CFDP1: variants seen among roughly 807,000 people sequenced by gnomAD.
CFDP1 encodes heterochromatin-stabilizing protein CFDP1.
CFDP1 carries 31 observed loss-of-function variants against 40.1 expected under a neutral mutation model. The ratio of observed to expected loss-of-function variants is 0.77; its 90% confidence interval spans 0.58 to 1.04. The LOEUF (loss-of-function observed/expected upper bound fraction) is 1.04, where lower values mean the gene tolerates loss of function less well. Ranked by LOEUF, CFDP1 falls within the 50% of genes least tolerant of loss-of-function variation. The pLI, the probability that CFDP1 is intolerant of heterozygous loss-of-function variation, is 0.00. For synonymous variants in CFDP1, 167 were observed against 120.0 expected (o/e 1.39, Z -2.56); for missense variants, 423 against 343.4 (o/e 1.23, Z -1.83).
intron 6 of CFDP1, among the ~76,000 whole-genome samples, chr16:75,294,865 G>A (rs984660794): frequency 2.0e-5 from 3 of 152,124 alleles, no homozygotes; most frequent in Non-Finnish European, 4.4e-5. Flanking sequence ...CAGGCAGGAC[G>A]GGAAAGCAGC....
At chr16:75,362,909 T>G (rs1204983911) in intron 5 of CFDP1, 1 of 152,146 alleles carries the variant, frequency 6.6e-6, no homozygotes, top group Non-Finnish European at 1.5e-5. Context: ...AGCTGAGGTT[T>G]TGTTATTATG....
intron 6 of CFDP1, among the ~76,000 whole-genome samples, chr16:75,297,721 A>G (rs1233612426): frequency 1.3e-5 from 2 of 152,198 alleles, no homozygotes; most frequent in Non-Finnish European, 2.9e-5. Flanking sequence ...TTAATAAAAT[A>G]TGCTAAGAAC....
chr16:75,366,588 A>ACT (rs2078715679), intron 5 of CFDP1, among the ~76,000 whole-genome samples: 1 of 152,118 alleles, frequency 6.6e-6, no homozygotes, highest in Non-Finnish European at 1.5e-5. Context: ...GTGCCACTGT[A>ACT]CTCTAACCTG....
intron 5 of CFDP1, among the ~76,000 whole-genome samples, chr16:75,318,491 C>T (rs1018462085): frequency 3.3e-5 from 5 of 151,448 alleles, no homozygotes; most frequent in African/African-American, 1.2e-4. Flanking sequence ...CTGCAACCTC[C>T]GCCTCCTGGG....
chr16:75,323,716 T>C (rs907065272), intron 5 of CFDP1, among the ~76,000 whole-genome samples: 1 of 151,644 alleles, frequency 6.6e-6, no homozygotes, highest in East Asian at 1.9e-4. Flanking sequence ...GAGGTAGAGG[T>C]TGCAGTGAGC....
chr16:75,389,553 G>C (rs1219447161), intron 5 of CFDP1, among the ~76,000 whole-genome samples: 1 of 152,162 alleles, frequency 6.6e-6, no homozygotes, highest in Non-Finnish European at 1.5e-5. Flanking sequence ...GGGACAGGAT[G>C]TTTTACTCTC....
chr16:75,324,061 T>C (rs2078385833), intron 5 of CFDP1, among the ~76,000 whole-genome samples: 1 of 152,206 alleles, frequency 6.6e-6, no homozygotes, highest in African/African-American at 2.4e-5. Context: ...GCCTTCAGTG[T>C]GCCAGACTCT....
chr16:75,399,056 C>CAAAAAAAAAAAAAAAAAAAA (rs58692180), intron 4 of CFDP1, among the ~76,000 whole-genome samples: 1 of 98,064 alleles, frequency 1.0e-5, no homozygotes, highest in Non-Finnish European at 2.1e-5. Context: ...GACTCCGTCT[C>CAAAAAAAAAAAAAAAAAAAA]AAAAAAAAAA....
intron 5 of CFDP1, among the ~76,000 whole-genome samples, chr16:75,327,672 A>G (rs549132592): frequency 2.0e-5 from 3 of 152,312 alleles, no homozygotes; most frequent in African/African-American, 7.2e-5. Context: ...AAAATAGTCC[A>G]TGCCATGGCT....
At chr16:75,407,646 C>G (rs1323730205) in intron 4 of CFDP1, among the ~76,000 whole-genome samples, 1 of 126,118 alleles carries the variant, frequency 7.9e-6, no homozygotes, top group African/African-American at 3.0e-5. Context: ...CAGAGCAAGA[C>G]CCTGTCTCAA....
chr16:75,313,591 A>T (rs2078307940), intron 5 of CFDP1, among the ~76,000 whole-genome samples: 1 of 152,318 alleles, frequency 6.6e-6, no homozygotes, highest in Non-Finnish European at 1.5e-5. Context: ...TGGGTCTCCC[A>T]TAGTGCTGGG....
chr16:75,360,697 A>G (rs1238144509), intron 5 of CFDP1, among the ~76,000 whole-genome samples: 1 of 152,208 alleles, frequency 6.6e-6, no homozygotes, highest in Non-Finnish European at 1.5e-5. Context: ...AACCACACAG[A>G]ATAAGTCTTA....
intron 5 of CFDP1, among the ~76,000 whole-genome samples, chr16:75,389,561 C>T (rs1295781621): frequency 6.6e-6 from 1 of 152,162 alleles, no homozygotes; most frequent in South Asian, 2.1e-4. Flanking sequence ...ATGTTTTACT[C>T]TCCTGCTCTG....
intron 6 of CFDP1, among the ~76,000 whole-genome samples, chr16:75,295,799 G>C (rs907107947): frequency 6.6e-6 from 1 of 152,236 alleles, no homozygotes; most frequent in Non-Finnish European, 1.5e-5. Flanking sequence ...AGTCAGGGAA[G>C]CTGCAGACAG....
intron 5 of CFDP1, among the ~76,000 whole-genome samples, chr16:75,316,613 A>C (rs939217601): frequency 6.6e-6 from 1 of 151,874 alleles, no homozygotes; most frequent in Non-Finnish European, 1.5e-5. Flanking sequence ...TTGAAGGACA[A>C]AAATACAAAT....
intron 5 of CFDP1, among the ~76,000 whole-genome samples, chr16:75,331,189 T>C (rs2078443729): frequency 6.6e-6 from 1 of 152,248 alleles, no homozygotes; most frequent in African/African-American, 2.4e-5. Context: ...GAGCAGCCAA[T>C]GGCTCAGTCA....
chr16:75,359,750 G>C (rs1461905640), intron 5 of CFDP1, among the ~76,000 whole-genome samples: 1 of 152,138 alleles, frequency 6.6e-6, no homozygotes, highest in Non-Finnish European at 1.5e-5. Flanking sequence ...TTTGAATTCA[G>C]AGCAAAACGA....
chr16:75,414,609 T>TC lies in CFDP1; in HGVS notation c.150dup (p.Lys51GlufsTer33). The TC allele has an allele frequency of 6.2e-7, 1 of 1,613,944 alleles. No individual in the cohort carries two copies. Among genetic ancestry groups the TC allele is most frequent in the Non-Finnish European group, 8.5e-7 (1 of 1,179,844 alleles). On this transcript the variant is annotated frameshift_variant, in exon 2 of 7. Transcript: ENST00000283882. LOFTEE classifies it high-confidence loss of function. Reference sequence around the variant, plus strand: ...GGAATGCTCTGGGCCTTTCTTTTTTTCCCTTGGGTTTTCTGTGTCTGCTCT... The same window carrying TC: ...GGAATGCTCTGGGCCTTTCTTTTTTTCCCCTTGGGTTTTCTGTGTCTGCTCT...
chr16:75,414,554 T>C (rs764051629), intron 2 of CFDP1, 24 bp downstream of exon 2: 10 of 1,434,210 alleles, frequency 7.0e-6, no homozygotes, highest in East Asian at 4.5e-5. Flanking sequence ...CCCTAACTTC[T>C]AAGGGCCTTG....
Sources: allele counts gnomAD v4.1 joint callset (sites outside exome capture counted in the v4.1 genomes callset), GRCh38; gene constraint gnomAD v4.1.1; transcripts MANE v1.5; gene names NCBI Gene and HGNC (gene_info 2026-07-23, HGNC 2026-07-21).